Variants in CFAP61 observed in about 807,000 individuals in gnomAD.
CFAP61 encodes the protein cilia and flagella associated protein 61.
In CFAP61, 107 loss-of-function variants were observed where a neutral mutation model predicts 135.6. The ratio of observed to expected loss-of-function variants is 0.79; its 90% CI spans 0.67 to 0.93. The LOEUF (loss-of-function observed/expected upper bound fraction) is 0.93, where lower values mean the gene tolerates loss of function less well. Ranked by LOEUF, CFAP61 falls within the 40% of genes least tolerant of loss-of-function variation. The probability of loss-of-function intolerance (pLI) is 0.00; values close to 1 mark genes in which losing one functional copy is unlikely to be tolerated. For synonymous variants in CFAP61, 575 were observed against 578.5 expected, an observed-to-expected ratio of 0.99 and a Z score of 0.09; for missense variants, 1,507 against 1,556.2, an observed-to-expected ratio of 0.97 and a Z score of 0.53.
At chr20:20,135,393 A>G (rs1017992002) in intron 8 of CFAP61, among the ~76,000 whole-genome samples, 7 of 152,230 alleles carry the variant, frequency 4.6e-5, no homozygotes, top group Non-Finnish European at 1.0e-4. Context: ...TGAAGAAGAC[A>G]AAAGGAAATG....
chr20:20,124,591 A>G (rs964094683), intron 8 of CFAP61, among the ~76,000 whole-genome samples: 1 of 151,830 alleles, frequency 6.6e-6, no homozygotes, highest in Non-Finnish European at 1.5e-5. Context: ...TATGAAACCC[A>G]CTGGATCATG....
rs914840953 is a variant in CFAP61 at position 20,075,220 on chromosome 20, T to G, written c.403T>G (p.Phe135Val). The change falls in exon 5 of 27, where the codon TTC becomes GTC. Residue 135 changes from phenylalanine (F) to valine (V), a missense_variant. Coordinates refer to ENST00000245957, the MANE Select transcript of CFAP61 (RefSeq NM_015585.4). ...TVYKAVPELHFIFLIVPSYMS... is the reference protein window; with the variant it reads ...TVYKAVPELHVIFLIVPSYMS... ...GTATAAGGCAGTGCCAGAGCTGCACTTCATATTTCTCATCGTGCCATCCTA... is the reference window on the plus strand; with the variant it reads ...GTATAAGGCAGTGCCAGAGCTGCACGTCATATTTCTCATCGTGCCATCCTA... 6.2e-7 allele frequency: 1 copy of G among 1,614,172 alleles called. No individual in the cohort carries two copies. Among genetic ancestry groups the G allele is most frequent in the Non-Finnish European group, 8.5e-7 (1 of 1,180,024 alleles).
At chr20:20,323,072 T>C in intron 25 of CFAP61, 2 of 985,476 alleles carry the variant, frequency 2.0e-6, no homozygotes, top group Non-Finnish European at 2.4e-6. Flanking sequence ...AAAGCACTGC[T>C]GCCCTGGGGC....
At chr20:20,278,294 G>A (rs1403045843) in intron 22 of CFAP61, among the ~76,000 whole-genome samples, 1 of 152,184 alleles carries the variant, frequency 6.6e-6, no homozygotes, top group East Asian at 1.9e-4. Context: ...AACAGCAGTG[G>A]TGAGTCTTTC....
At chr20:20,084,468 C>T (rs2046655842) in intron 6 of CFAP61, among the ~76,000 whole-genome samples, 1 of 152,012 alleles carries the variant, frequency 6.6e-6, no homozygotes, top group Admixed American at 6.5e-5. Flanking sequence ...TGTGAGTTTT[C>T]CATCTGTGCA....
intron 14 of CFAP61, 111 bp downstream of exon 14, chr20:20,188,167 G>T (rs1487264393): frequency 8.1e-6 from 9 of 1,116,648 alleles, no homozygotes; most frequent in Non-Finnish European, 1.2e-5. Flanking sequence ...ATGGCAGGGG[G>T]CAGTGGAGGT....
At chr20:20,309,690 T>A (rs1470811727) in intron 25 of CFAP61, among the ~76,000 whole-genome samples, 1 of 152,138 alleles carries the variant, frequency 6.6e-6, no homozygotes, top group Admixed American at 6.5e-5. Flanking sequence ...ATCATTTACC[T>A]ATTATAAGAA....
At chr20:20,134,969 CT>C (rs10718342) in intron 8 of CFAP61, among the ~76,000 whole-genome samples, 77,309 of 147,492 alleles carry the variant, frequency 0.52, 20,311 homozygotes, top group Non-Finnish European at 0.56. Flanking sequence ...TAAATGTCAC[CT>C]TTTTTTTTTT....
At chr20:20,059,667 G>T (rs2044654689) in intron 2 of CFAP61, among the ~76,000 whole-genome samples, 1 of 151,928 alleles carries the variant, frequency 6.6e-6, no homozygotes, top group African/African-American at 2.4e-5. Flanking sequence ...GAATAATCAT[G>T]TTTAAACAAA....
intron 24 of CFAP61, among the ~76,000 whole-genome samples, chr20:20,297,839 AAC>A (rs2055758192): frequency 6.6e-6 from 1 of 152,382 alleles, no homozygotes; most frequent in African/African-American, 2.4e-5. Flanking sequence ...AAAGAAATTT[AAC>A]AGTGTTAAAA....
intron 25 of CFAP61, among the ~76,000 whole-genome samples, chr20:20,321,026 TAGGGC>T (rs1010378001): frequency 2.6e-5 from 4 of 151,092 alleles, no homozygotes; most frequent in Non-Finnish European, 4.4e-5. Context: ...CTAACAAAAA[TAGGGC>T]AGTTATTAAT....
rs1264815927 is a variant in CFAP61 at position 20,298,422 on chromosome 20, C to T, written c.3422+36C>T. 2.0e-6 allele frequency: 3 copies of T among 1,533,284 alleles called. No homozygotes were observed. The African/African-American group carries it at 4.1e-5, about 21-fold the overall frequency. The allele number at this position is 1,533,284 out of a possible 1,614,324, so 95.0% of individuals were successfully genotyped here. The stretch of plus-strand genomic sequence containing the variant: ...CATTGCATTTGACTACAGGGAAATA[C>T]AAATATATATATAATGTCTGTGAAT... On this transcript the variant is annotated intron_variant, in intron 25 of 26. Coordinates refer to ENST00000245957, the MANE Select transcript of CFAP61 (RefSeq NM_015585.4).
intron 22 of CFAP61, among the ~76,000 whole-genome samples, chr20:20,287,553 A>T (rs1447762177): frequency 6.6e-6 from 1 of 152,190 alleles, no homozygotes; most frequent in African/African-American, 2.4e-5. Flanking sequence ...TCCCTGAACC[A>T]TTCATGGGTG....
At chr20:20,197,124 C>T (rs1358538827) in intron 16 of CFAP61, among the ~76,000 whole-genome samples, 2 of 152,180 alleles carry the variant, frequency 1.3e-5, no homozygotes, top group African/African-American at 4.8e-5. Flanking sequence ...CTATTCTGTT[C>T]CTTCAAGCCA....
At chr20:20,309,491 C>T (rs1255921102) in intron 25 of CFAP61, among the ~76,000 whole-genome samples, 5 of 152,190 alleles carry the variant, frequency 3.3e-5, no homozygotes, top group Non-Finnish European at 7.3e-5. Context: ...CTGTCTCGTA[C>T]AGGTGAGGCA....
rs998055743 is a variant in CFAP61 at position 20,273,041 on chromosome 20, A to ATTT, written c.2504-4107_2504-4105dup. On this transcript the variant is annotated intron_variant, in intron 21 of 26. Transcript: ENST00000245957. ...GGACTAGAGGTGCGTGCCATGCTTA[A>ATTT]TTTTTTTTTTTTTTTTTTTTGTAGA... is the stretch of plus-strand genomic sequence containing the variant. Among the ~76,000 whole-genome samples, 150 of 127,350 alleles carry ATTT rather than the reference A, an allele frequency of 1.2e-3. 5 individuals carry two copies. Among genetic ancestry groups the ATTT allele is most frequent in the Non-Finnish European group, 1.6e-3 (97 of 61,748 alleles). 83.5% of individuals were successfully genotyped at this position (127,350 alleles called of 152,430 possible). A position where few individuals can be genotyped will look rare whatever the true frequency, so the allele number is the denominator to read the frequency against.
chr20:20,315,656 T>C (rs1194769878), intron 25 of CFAP61, among the ~76,000 whole-genome samples: 5 of 152,016 alleles, frequency 3.3e-5, no homozygotes, highest in African/African-American at 1.2e-4. Context: ...TCTTCTAGGG[T>C]TTTTATGGTT....
intron 25 of CFAP61, among the ~76,000 whole-genome samples, chr20:20,319,136 G>A (rs8115302): frequency 0.21 from 31,624 of 152,106 alleles, 4,477 homozygotes; most frequent in African/African-American, 0.39. Flanking sequence ...TTCTCCTAGC[G>A]TGAAGCAGTG....
chr20:20,082,191 G>A (rs1471286108), intron 6 of CFAP61, among the ~76,000 whole-genome samples: 6 of 152,124 alleles, frequency 3.9e-5, no homozygotes, highest in African/African-American at 1.2e-4. Flanking sequence ...TTTGACATCC[G>A]TTTCAACGAT....
Sources: gnomAD v4.1 joint callset for allele counts (sites outside exome capture counted in the v4.1 genomes callset) on GRCh38, gnomAD v4.1.1 for gene constraint, MANE v1.5 for transcripts, NCBI Gene and HGNC (gene_info 2026-07-23, HGNC 2026-07-21) for gene names.